The following RAP1A variants were observed in gnomAD, a reference collection of about 807,000 sequenced individuals.
The protein encoded by RAP1A is RAP1A, member of RAS oncogene family.
RAP1A carries 6 observed loss-of-function variants against 26.4 expected under a neutral mutation model. The observed-to-expected ratio is 0.23, with a 90% CI of 0.12 to 0.45. The LOEUF is 0.45. RAP1A is among the 20% of genes least tolerant of loss of function. The probability of loss-of-function intolerance (pLI) is 0.99; values close to 1 mark genes in which losing one functional copy is unlikely to be tolerated. For missense variants in RAP1A, 121 were observed against 217.2 expected, an observed-to-expected ratio of 0.56 and a Z score of 2.78; for synonymous variants, 73 against 79.4, an observed-to-expected ratio of 0.92 and a Z score of 0.43.
chr1:111,697,786 G>T (rs1661882213), intron 4 of RAP1A, among the ~76,000 whole-genome samples: 1 of 152,084 alleles, frequency 6.6e-6, no homozygotes, highest in Non-Finnish European at 1.5e-5. Context: ...TAGAGCTTTA[G>T]TTAATATTTG....
rs567583140 is a variant in RAP1A at position 111,625,323 on chromosome 1, CTTTT to C, written c.-28+5396_-28+5399del. Among the ~76,000 whole-genome samples the C allele has an allele frequency of 1.9e-3, 286 of 147,204 alleles. 1 individual carries two copies. Among genetic ancestry groups the C allele is most frequent in the African/African-American group, 7.0e-3 (280 of 40,228 alleles). On this transcript the variant is annotated intron_variant, in intron 1 of 7. Coordinates refer to ENST00000369709, the MANE Select transcript of RAP1A (RefSeq NM_002884.4). ...CTGTCTTTCGTTTTTTAACTGTTTT[CTTTT>C]TTTTTTGTTTTGTTTTTGTCTTTAG...
At chr1:111,626,370 T>C (rs1044968891) in intron 1 of RAP1A, among the ~76,000 whole-genome samples, 4 of 149,388 alleles carry the variant, frequency 2.7e-5, no homozygotes, top group East Asian at 2.0e-4. Flanking sequence ...TATGTATACA[T>C]ACACACACAC....
intron 1 of RAP1A, among the ~76,000 whole-genome samples, chr1:111,631,588 A>G (rs12125110): frequency 0.064 from 9,814 of 152,286 alleles, 326 homozygotes; most frequent in African/African-American, 0.084. Context: ...GTAAACTTCC[A>G]GAAGAAGGGA....
chr1:111,618,820 T>C (rs149914814), upstream of RAP1A, among the ~76,000 whole-genome samples: 1,308 of 151,068 alleles, frequency 8.7e-3, 26 homozygotes, highest in African/African-American at 0.031. Flanking sequence ...AAAATGTATC[T>C]AAATAAAATA....
In RAP1A at chr1:111,655,266, CAAA is replaced by C. The variant is rs5777071; in HGVS notation, c.-28+35341_-28+35343del. On this transcript the variant is annotated intron_variant, in intron 1 of 7. Transcript: ENST00000369709. ...AAGAAAAAAAAACAATGCAATAAAA[CAAA>C]AAAAAAAACAACAGAAATTAACTTG... 1.3e-4 allele frequency among the ~76,000 whole-genome samples: 18 copies of C among 142,192 alleles called. No individual in the cohort carries two copies. In the East Asian group the frequency reaches 2.4e-3, roughly 19 times the overall value. 93.3% of individuals were successfully genotyped at this position (142,192 alleles called of 152,430 possible).
intron 1 of RAP1A, among the ~76,000 whole-genome samples, chr1:111,630,446 C>T (rs1290229276): frequency 3.3e-5 from 5 of 152,084 alleles, no homozygotes; most frequent in Non-Finnish European, 7.4e-5. Flanking sequence ...GTGAATAAGA[C>T]GTGCTTTCAT....
chr1:111,560,451 C>G (rs1484583369), intron 1 of RAP1A, among the ~76,000 whole-genome samples: 1 of 151,162 alleles, frequency 6.6e-6, no homozygotes, highest in Non-Finnish European at 1.5e-5. Flanking sequence ...GAAAGAAGCC[C>G]TTGGTAGCAG....
At chr1:111,697,660 T>G (rs1025621657) in intron 4 of RAP1A, among the ~76,000 whole-genome samples, 163 bp downstream of exon 4, 1 of 152,180 alleles carries the variant, frequency 6.6e-6, no homozygotes, top group Non-Finnish European at 1.5e-5. Context: ...TCAACTCTGA[T>G]GTAGTTCATG....
chr1:111,682,894 C>T (rs1004544910), intron 1 of RAP1A, among the ~76,000 whole-genome samples: 3 of 152,200 alleles, frequency 2.0e-5, no homozygotes, highest in African/African-American at 7.2e-5. Context: ...CCACATAACA[C>T]TTATTCTAAA....
intron 1 of RAP1A, among the ~76,000 whole-genome samples, chr1:111,581,984 A>C (rs1180319074): frequency 1.3e-5 from 2 of 152,228 alleles, no homozygotes; most frequent in Non-Finnish European, 2.9e-5. Flanking sequence ...GGTCAAGTTA[A>C]CTTGTCCAAG....
intron 1 of RAP1A, among the ~76,000 whole-genome samples, chr1:111,666,101 A>G (rs1201118489): frequency 6.6e-6 from 1 of 152,214 alleles, no homozygotes; most frequent in Non-Finnish European, 1.5e-5. Context: ...TTTTAAATGC[A>G]TTGAGACAAA....
intron 1 of RAP1A, among the ~76,000 whole-genome samples, chr1:111,652,263 T>C (rs1660299448): frequency 1.3e-5 from 2 of 152,224 alleles, no homozygotes; most frequent in Non-Finnish European, 2.9e-5. Context: ...CCTGACCCAG[T>C]TCAAGTATTT....
intron 1 of RAP1A, among the ~76,000 whole-genome samples, chr1:111,588,172 T>C (rs1402774152): frequency 2.0e-5 from 3 of 152,232 alleles, no homozygotes; most frequent in African/African-American, 7.2e-5. Context: ...AATGTGTCCC[T>C]TCCTTTAGAT....
chr1:111,703,489 T>TC lies in RAP1A; in HGVS notation c.324+14dup. 6.4e-7 allele frequency: 1 copy of TC among 1,570,718 alleles called. No homozygotes were observed. On this transcript the variant is annotated intron_variant, in intron 5 of 7. Transcript: ENST00000369709. The stretch of plus-strand genomic sequence containing the variant: ...GGACACGGAAGATGTAAGTATTTTT[T>TC]CTCTCTGTAAGATGTTATGCCATCT...
intron 1 of RAP1A, among the ~76,000 whole-genome samples, chr1:111,612,020 T>G (rs969263090): frequency 1.3e-5 from 2 of 152,102 alleles, no homozygotes; most frequent in Non-Finnish European, 2.9e-5. Flanking sequence ...TGAGTTTTTT[T>G]TTTTTTTTTA....
At chr1:111,663,147 C>G (rs1660691635) in intron 1 of RAP1A, among the ~76,000 whole-genome samples, 1 of 152,154 alleles carries the variant, frequency 6.6e-6, no homozygotes. Context: ...CTCCTGACCT[C>G]ATGATCCACC....
intron 1 of RAP1A, among the ~76,000 whole-genome samples, chr1:111,667,586 G>A (rs891907891): frequency 2.0e-5 from 3 of 151,868 alleles, no homozygotes; most frequent in African/African-American, 7.3e-5. Context: ...GGAGGCTTAG[G>A]CAGGAGAATT....
At chr1:111,607,758 G>C (rs1362796202) in intron 1 of RAP1A, among the ~76,000 whole-genome samples, 3 of 139,980 alleles carry the variant, frequency 2.1e-5, no homozygotes, top group Non-Finnish European at 4.7e-5. Flanking sequence ...CTTCCCAGTA[G>C]GGGCGGCTGG....
intron 1 of RAP1A, among the ~76,000 whole-genome samples, chr1:111,664,980 A>G (rs900017905): frequency 6.6e-6 from 1 of 152,248 alleles, no homozygotes; most frequent in Non-Finnish European, 1.5e-5. Flanking sequence ...ATAGGTTTGA[A>G]TACAGCTTCC....
Sources: allele counts gnomAD v4.1 joint callset (sites outside exome capture counted in the v4.1 genomes callset), GRCh38; gene constraint gnomAD v4.1.1; transcripts MANE v1.5; gene names NCBI Gene and HGNC (gene_info 2026-07-23, HGNC 2026-07-21).